The following FNDC3B variants were observed in gnomAD, a reference collection of about 807,000 sequenced individuals.
FNDC3B encodes the protein fibronectin type III domain-containing protein 3B.
A neutral mutation model predicts 151.5 loss-of-function variants in FNDC3B; 12 were observed. That is an observed-to-expected ratio of 0.08 (90% CI 0.05 to 0.13). FNDC3B has a LOEUF of 0.13. Among genes scored for constraint, FNDC3B ranks in the 10% least tolerant of loss-of-function variants. The pLI, the probability that FNDC3B is intolerant of heterozygous loss-of-function variation, is 1.00. For synonymous variants in FNDC3B, 528 were observed against 549.0 expected, an observed-to-expected ratio of 0.96 and a Z score of 0.54; for missense variants, 1,214 against 1,505.3, an observed-to-expected ratio of 0.81 and a Z score of 3.20.
At chr3:172,307,316 C>A in intron 9 of FNDC3B, 47 bp from the exon 10 acceptor site, 1 of 1,604,260 alleles carries the variant, frequency 6.2e-7, no homozygotes, top group South Asian at 1.1e-5. Flanking sequence ...GAATCCTGGT[C>A]TTCTATGATG....
intron 3 of FNDC3B, among the ~76,000 whole-genome samples, chr3:172,198,951 C>G (rs952604553): frequency 6.6e-6 from 1 of 151,884 alleles, no homozygotes; most frequent in Non-Finnish European, 1.5e-5. Flanking sequence ...CTCAGCCTCC[C>G]GAGTAGCTGG....
intron 1 of FNDC3B, among the ~76,000 whole-genome samples, chr3:172,084,020 G>C (rs1180741910): frequency 6.6e-6 from 1 of 151,940 alleles, no homozygotes; most frequent in Non-Finnish European, 1.5e-5. Flanking sequence ...AAAAGTAAAA[G>C]CCTCTCCTAG....
intron 1 of FNDC3B, among the ~76,000 whole-genome samples, chr3:172,078,202 A>T (rs1718113575): frequency 6.6e-6 from 1 of 151,822 alleles, no homozygotes; most frequent in Non-Finnish European, 1.5e-5. Context: ...CTGGTTTTGA[A>T]CTCCTGACCT....
intron 8 of FNDC3B, among the ~76,000 whole-genome samples, chr3:172,297,210 A>C (rs1730659285): frequency 6.6e-6 from 1 of 152,208 alleles, no homozygotes; most frequent in South Asian, 2.1e-4. Context: ...AATTAATGGA[A>C]CAAATGCAAG....
chr3:172,084,365 C>T (rs1718439192), intron 1 of FNDC3B, among the ~76,000 whole-genome samples: 1 of 151,962 alleles, frequency 6.6e-6, no homozygotes. Context: ...GTCGGGGGAT[C>T]ACCTGAACCT....
intron 6 of FNDC3B, 126 bp downstream of exon 6, chr3:172,251,667 G>A: frequency 1.2e-6 from 1 of 816,986 alleles, no homozygotes; most frequent in East Asian, 2.7e-5. Context: ...GAATATTTGA[G>A]TAGACCTTCT....
chr3:172,199,575 A>G (rs1725032375), intron 3 of FNDC3B, among the ~76,000 whole-genome samples: 1 of 152,244 alleles, frequency 6.6e-6, no homozygotes. Context: ...GGTTCTTGGA[A>G]ACTGCTATTT....
chr3:172,346,539 T>A, intron 20 of FNDC3B, 99 bp downstream of exon 20: 3 of 623,820 alleles, frequency 4.8e-6, no homozygotes, highest in East Asian at 2.9e-5. Context: ...AATGCACATA[T>A]AGATGATTTT....
At chr3:172,389,666 C>A (rs901770212) in intron 25 of FNDC3B, among the ~76,000 whole-genome samples, 4 of 152,050 alleles carry the variant, frequency 2.6e-5, no homozygotes, top group African/African-American at 9.7e-5. Flanking sequence ...GAGATTGAGA[C>A]CATCCTGGCT....
chr3:172,053,956 A>C (rs1187640941), intron 1 of FNDC3B, among the ~76,000 whole-genome samples: 3 of 152,106 alleles, frequency 2.0e-5, no homozygotes, highest in Non-Finnish European at 4.4e-5. Flanking sequence ...GAATGGGAAA[A>C]ATTTGAGACA....
intron 1 of FNDC3B, among the ~76,000 whole-genome samples, chr3:172,079,236 C>T (rs764422610): frequency 1.2e-4 from 18 of 152,030 alleles, no homozygotes; most frequent in African/African-American, 2.9e-4. Flanking sequence ...GTTAGTGAGA[C>T]GAGGCCTCAG....
intron 4 of FNDC3B, among the ~76,000 whole-genome samples, 179 bp from the exon 5 acceptor site, chr3:172,247,354 C>T (rs1324332979): frequency 6.6e-6 from 1 of 152,186 alleles, no homozygotes; most frequent in Non-Finnish European, 1.5e-5. Context: ...TTTATAGTTA[C>T]ATGTTATTAC....
chr3:172,112,527 A>G lies in FNDC3B; in HGVS notation c.48A>G (p.Pro16=), dbSNP rs781080682. Residue 16 remains proline, a synonymous_variant, in exon 2 of 26, where the codon CCA becomes CCG. Transcript: ENST00000415807. ...CCGACCAAATCCCTCTGGAACTGCC[A>G]CCATTGCTGAACGGAGAGGTAGCCA... ...MMTDQIPLEL[P]PLLNGEVAMM... is the part of the protein sequence containing the mutation. 6.2e-7 allele frequency: 1 copy of G among 1,614,196 alleles called. No homozygotes were observed. The highest frequency in any genetic ancestry group is 1.1e-5 in the South Asian group (1 of 91,086).
At chr3:172,309,232 G>A (rs1329599937) in intron 10 of FNDC3B, among the ~76,000 whole-genome samples, 1 of 152,210 alleles carries the variant, frequency 6.6e-6, no homozygotes, top group Non-Finnish European at 1.5e-5. Context: ...CACAAGGACA[G>A]GGGAACATTC....
chr3:172,266,185 T>C (rs1025120337), intron 6 of FNDC3B, among the ~76,000 whole-genome samples: 1 of 152,194 alleles, frequency 6.6e-6, no homozygotes, highest in Non-Finnish European at 1.5e-5. Context: ...TTGAGCTCAG[T>C]TCCTTTGATT....
Position 172,215,553 on chromosome 3 carries a change from G to A in FNDC3B, c.188-11318G>A, listed in dbSNP as rs1229132095. ...AGCCTGACCAACATGGTGAAACCCT[G>A]TCTCTACTAAAAATACAAAAATTAG... On this transcript the variant is annotated intron_variant, in intron 3 of 25. Coordinates refer to ENST00000415807, the MANE Select transcript of FNDC3B (RefSeq NM_022763.4). Among the ~76,000 whole-genome samples, 6 of 152,256 alleles carry A rather than the reference G, an allele frequency of 3.9e-5. No homozygotes were observed. In the East Asian group the frequency reaches 1.2e-3, roughly 29 times the overall value.
intron 3 of FNDC3B, among the ~76,000 whole-genome samples, chr3:172,160,048 C>G (rs1377294507): frequency 6.6e-6 from 1 of 152,228 alleles, no homozygotes; most frequent in African/African-American, 2.4e-5. Flanking sequence ...TGACCAGAAT[C>G]AGCCTCACCA....
At chr3:172,369,261 C>G (rs1281935087) in intron 23 of FNDC3B, among the ~76,000 whole-genome samples, 1 of 151,896 alleles carries the variant, frequency 6.6e-6, no homozygotes, top group African/African-American at 2.4e-5. Flanking sequence ...GAAACAAGGC[C>G]ACTAAAACAT....
intron 22 of FNDC3B, among the ~76,000 whole-genome samples, chr3:172,355,194 GCT>G (rs1734035971): frequency 2.6e-5 from 4 of 152,122 alleles, no homozygotes; most frequent in Non-Finnish European, 4.4e-5. Flanking sequence ...ACCTAACTTT[GCT>G]CTGTGTGCTT....
Sources: gnomAD v4.1 joint callset for allele counts (sites outside exome capture counted in the v4.1 genomes callset) on GRCh38, gnomAD v4.1.1 for gene constraint, MANE v1.5 for transcripts, NCBI Gene and HGNC (gene_info 2026-07-23, HGNC 2026-07-21) for gene names.